Variants in MGAT4C observed in about 807,000 individuals in gnomAD.
The protein encoded by MGAT4C is MGAT4 family member C, also known as alpha-1,3-mannosyl-glycoprotein 4-beta-N-acetylglucosaminyltransferase C.
In MGAT4C, 19 loss-of-function variants were observed where a neutral mutation model predicts 40.1. That is an observed-to-expected ratio of 0.47 (90% CI 0.33 to 0.70). MGAT4C has a LOEUF of 0.70. Ranked by LOEUF, MGAT4C falls within the 30% of genes least tolerant of loss-of-function variation. MGAT4C has a pLI of 0.02. For synonymous variants in MGAT4C, 181 were observed against 187.1 expected (o/e 0.97, Z 0.27); for missense variants, 491 against 563.2 (o/e 0.87, Z 1.30).
At chr12:86,495,068 T>C (rs1011094011) in intron 2 of MGAT4C, among the ~76,000 whole-genome samples, 3 of 152,094 alleles carry the variant, frequency 2.0e-5, no homozygotes, top group African/African-American at 7.2e-5. Context: ...CTTCTAAGAA[T>C]ATACACTAAA....
At chr12:86,794,296 A>G (rs552687622) in intron 1 of MGAT4C, among the ~76,000 whole-genome samples, 1 of 151,808 alleles carries the variant, frequency 6.6e-6, no homozygotes, top group East Asian at 2.0e-4. Context: ...ATCTTGCTCA[A>G]ATAAACTAGA....
At chr12:86,827,620 G>A (rs1054893145) in intron 1 of MGAT4C, among the ~76,000 whole-genome samples, 3 of 151,138 alleles carry the variant, frequency 2.0e-5, no homozygotes, top group South Asian at 2.1e-4. Context: ...AGAGTTCAAC[G>A]AAAGAAAAAT....
intron 2 of MGAT4C, among the ~76,000 whole-genome samples, chr12:86,689,839 A>T (rs1245383092): frequency 6.6e-6 from 1 of 152,078 alleles, no homozygotes; most frequent in Non-Finnish European, 1.5e-5. Flanking sequence ...GAGCTCAACC[A>T]CTGTGCTGGG....
At chr12:86,701,560 G>A (rs1413544774) in intron 2 of MGAT4C, among the ~76,000 whole-genome samples, 1 of 151,908 alleles carries the variant, frequency 6.6e-6, no homozygotes, top group Non-Finnish European at 1.5e-5. Flanking sequence ...TCTTTCTCTT[G>A]GGCTTCCCTA....
At chr12:86,404,538 C>A (rs1043720630) in intron 3 of MGAT4C, among the ~76,000 whole-genome samples, 8 of 151,880 alleles carry the variant, frequency 5.3e-5, no homozygotes, top group African/African-American at 1.9e-4. Flanking sequence ...AGCAATGTGA[C>A]CATGGAGGCA....
intron 4 of MGAT4C, among the ~76,000 whole-genome samples, chr12:86,277,568 T>A (rs1230767991): frequency 6.6e-6 from 1 of 152,192 alleles, no homozygotes; most frequent in Admixed American, 6.5e-5. Flanking sequence ...GATTTCAATT[T>A]TGTGTATGAC....
At chr12:86,566,303 C>A (rs899650357) in intron 2 of MGAT4C, among the ~76,000 whole-genome samples, 6 of 151,448 alleles carry the variant, frequency 4.0e-5, no homozygotes, top group African/African-American at 1.5e-4. Context: ...TAATCCGCTG[C>A]CAGCACAGCT....
In MGAT4C at chr12:86,538,813, T is replaced by C. The variant is rs190211689; in HGVS notation, c.-228-103548A>G. ...TAGTAGAGGTGGGGTTTCACCGTGT[T>C]AGCCAGGATGGTCTCGATCTTCTGA... is the stretch of plus-strand genomic sequence containing the variant. On this transcript the variant is annotated intron_variant, in intron 2 of 7. Transcript: ENST00000548651. Among the ~76,000 whole-genome samples, 236 of 152,026 alleles carry C rather than the reference T, an allele frequency of 1.6e-3. 1 individual carries two copies. The highest frequency in any genetic ancestry group is 5.5e-3 in the African/African-American group (227 of 41,470).
chr12:86,804,198 T>C (rs1382360068), intron 1 of MGAT4C, among the ~76,000 whole-genome samples: 1 of 147,208 alleles, frequency 6.8e-6, no homozygotes, highest in Non-Finnish European at 1.5e-5. Flanking sequence ...TTCTCACTCA[T>C]AGGTGGGAAT....
intron 3 of MGAT4C, among the ~76,000 whole-genome samples, chr12:86,414,429 T>G (rs959639827): frequency 5.3e-5 from 8 of 152,138 alleles, no homozygotes; most frequent in Non-Finnish European, 1.2e-4. Flanking sequence ...GTTAATCCTA[T>G]TCTCATAAGA....
intron 2 of MGAT4C, among the ~76,000 whole-genome samples, chr12:85,998,675 C>T (rs1277188622): frequency 6.6e-6 from 1 of 152,144 alleles, no homozygotes; most frequent in East Asian, 1.9e-4. Context: ...GTCACTTTTG[C>T]TCCAGTTCCC....
intron 4 of MGAT4C, among the ~76,000 whole-genome samples, chr12:86,329,771 A>G (rs1434847571): frequency 6.6e-6 from 1 of 152,208 alleles, no homozygotes; most frequent in Non-Finnish European, 1.5e-5. Flanking sequence ...ACTGTATTTT[A>G]AAGTGTATAT....
chr12:86,109,387 T>C (rs1056693178), intron 1 of MGAT4C, among the ~76,000 whole-genome samples: 2 of 152,116 alleles, frequency 1.3e-5, no homozygotes, highest in African/African-American at 2.4e-5. Context: ...ATACTAGCTA[T>C]TGTTTCTGAG....
chr12:86,426,567 T>C (rs1956930003), intron 3 of MGAT4C, among the ~76,000 whole-genome samples: 1 of 152,208 alleles, frequency 6.6e-6, no homozygotes, highest in Non-Finnish European at 1.5e-5. Context: ...GAAATGTTTC[T>C]GGAATCCAGG....
chr12:86,692,695 G>T (rs1352098232), intron 2 of MGAT4C, among the ~76,000 whole-genome samples: 1 of 152,138 alleles, frequency 6.6e-6, no homozygotes, highest in Non-Finnish European at 1.5e-5. Context: ...AATAATAGTG[G>T]TGTAAGGATT....
intron 3 of MGAT4C, among the ~76,000 whole-genome samples, chr12:86,374,588 T>G (rs1463659464): frequency 6.6e-6 from 1 of 152,138 alleles, no homozygotes; most frequent in East Asian, 1.9e-4. Flanking sequence ...TACAAGATGT[T>G]TACAATTTAT....
intron 1 of MGAT4C, among the ~76,000 whole-genome samples, chr12:86,812,869 T>A (rs1028786658): frequency 3.9e-5 from 6 of 152,080 alleles, no homozygotes; most frequent in Admixed American, 3.9e-4. Context: ...CTTCTTCTGG[T>A]CACTAACTGA....
chr12:86,648,608 C>T (rs1281657942), intron 2 of MGAT4C, among the ~76,000 whole-genome samples: 2 of 151,764 alleles, frequency 1.3e-5, no homozygotes, highest in Admixed American at 1.3e-4. Context: ...GAGCCCTCAC[C>T]AAAAATTGAA....
At chr12:86,801,803 A>G (rs1952231552) in intron 1 of MGAT4C, among the ~76,000 whole-genome samples, 1 of 151,790 alleles carries the variant, frequency 6.6e-6, no homozygotes, top group Admixed American at 6.6e-5. Flanking sequence ...GAAAAGCCAG[A>G]AATGTCCATC....
Sources: allele counts gnomAD v4.1 joint callset (sites outside exome capture counted in the v4.1 genomes callset), GRCh38; gene constraint gnomAD v4.1.1; transcripts MANE v1.5; gene names NCBI Gene and HGNC (gene_info 2026-07-23, HGNC 2026-07-21).